CHRND: variants seen among roughly 807,000 people sequenced by gnomAD.
CHRND encodes acetylcholine receptor subunit delta.
CHRND carries 40 observed loss-of-function variants against 57.8 expected under a neutral mutation model. The ratio of observed to expected loss-of-function variants is 0.69; its 90% confidence interval spans 0.54 to 0.90. The LOEUF is 0.90. Ranked by LOEUF, CHRND falls within the 40% of genes least tolerant of loss-of-function variation. The probability of loss-of-function intolerance (pLI) is 0.00; values close to 1 mark genes in which losing one functional copy is unlikely to be tolerated. For synonymous variants in CHRND, 237 were observed against 270.6 expected (o/e 0.88, Z 1.22); for missense variants, 634 against 673.9 (o/e 0.94, Z 0.66).
rs373747090 is a variant in CHRND, at chr2:232,534,290, A to T, written c.1319A>T (p.Asp440Val). 1.3e-4 allele frequency: 217 copies of T among 1,614,106 alleles called. No homozygotes were observed. The highest frequency in any genetic ancestry group is 1.7e-4 in the Non-Finnish European group (198 of 1,180,048). ...TTCAATGAGCTGAAGCCAGCTGTGG[A>T]TGGGGCAAACTTCATTGTTAACCAC... Reference protein sequence around the residue: ...ELFNELKPAVDGANFIVNHMR... With the variant: ...ELFNELKPAVVGANFIVNHMR... The change falls in exon 11 of 12, where the codon GAT becomes GTT. Residue 440 changes from aspartate to valine, a missense_variant. By Grantham distance (152) the Asp-to-Val change is radical. Coordinates refer to ENST00000258385, the MANE Select transcript of CHRND (RefSeq NM_000751.3).
chr2:232,530,969 G>A (rs958520681), intron 7 of CHRND, among the ~76,000 whole-genome samples: 10 of 152,154 alleles, frequency 6.6e-5, no homozygotes, highest in Admixed American at 1.3e-4. Context: ...CTTTCTAAGC[G>A]GGGAGTAACG....
intron 7 of CHRND, among the ~76,000 whole-genome samples, chr2:232,530,371 C>A (rs1691644596): frequency 6.6e-6 from 1 of 152,212 alleles, no homozygotes; most frequent in African/African-American, 2.4e-5. Context: ...TGCTACTTCC[C>A]ACGGACTCTC....
Position 232,534,038 on chromosome 2 carries a change from C to T in CHRND, c.1155C>T (p.Ser385=), listed in dbSNP as rs2106214377. ...GGAGCAGCTCCCTGGGATACATCTC[C>T]AAGGCCGAGGAGTACTTCCTGCTCA... ...VRRSSSLGYI[S]KAEEYFLLKS... The change falls in exon 10 of 12, where the codon TCC becomes TCT. Residue 385 remains serine (S), a synonymous_variant. Transcript: ENST00000258385. 6.2e-7 allele frequency: 1 copy of T among 1,614,114 alleles called. No individual in the cohort carries two copies. The highest frequency in any genetic ancestry group is 8.5e-7 in the Non-Finnish European group (1 of 1,180,044).
chr2:232,528,755 T>C, intron 5 of CHRND, 99 bp downstream of exon 5: 2 of 1,593,370 alleles, frequency 1.3e-6, no homozygotes, highest in South Asian at 2.2e-5. Flanking sequence ...CTGCCCTGTC[T>C]GGATTAGTGC....
Position 232,534,021 on chromosome 2 carries a change from T to G in CHRND, c.1138T>G (p.Ser380Ala). 6.2e-7 allele frequency: 1 copy of G among 1,614,040 alleles called. No homozygotes were observed. The highest frequency in any genetic ancestry group is 8.5e-7 in the Non-Finnish European group (1 of 1,180,022). Reference sequence around the variant, plus strand: ...TGGGGCCCTGGTGCGGAGGAGCAGCTCCCTGGGATACATCTCCAAGGCCGA... The same window carrying G: ...TGGGGCCCTGGTGCGGAGGAGCAGCGCCCTGGGATACATCTCCAAGGCCGA... The part of the protein sequence containing the change: ...SPGALVRRSS[S>A]LGYISKAEEY... Residue 380 changes from serine to alanine, a missense_variant, in exon 10 of 12, where the codon TCC becomes GCC. Transcript: ENST00000258385.
intron 7 of CHRND, among the ~76,000 whole-genome samples, chr2:232,531,092 TCAC>T (rs1691673596): frequency 6.6e-6 from 1 of 152,128 alleles, no homozygotes; most frequent in African/African-American, 2.4e-5. Context: ...ACACACTCTG[TCAC>T]CACATTTAAC....
intron 3 of CHRND, among the ~76,000 whole-genome samples, chr2:232,527,981 T>A (rs182428603): frequency 1.5e-4 from 23 of 152,338 alleles, no homozygotes; most frequent in Admixed American, 5.9e-4. Context: ...CCACTTTATC[T>A]TGATGTTTAT....
intron 3 of CHRND, 69 bp downstream of exon 3, chr2:232,527,514 G>A (rs549830087): frequency 8.5e-7 from 1 of 1,181,278 alleles, no homozygotes; most frequent in Non-Finnish European, 1.3e-6. Flanking sequence ...GAAGGCCGAG[G>A]GGGGTGGATC....
chr2:232,527,470 C>A (rs1415331300), intron 3 of CHRND, 25 bp downstream of exon 3: 7 of 1,594,200 alleles, frequency 4.4e-6, no homozygotes, highest in Non-Finnish European at 5.2e-6. Context: ...CCCAGCCGGG[C>A]GCAGTGGCTC....
In CHRND at chr2:232,531,448, T is replaced by A; in HGVS notation, c.917T>A (p.Ile306Asn). 1 of 1,613,324 alleles carries A rather than the reference T, an allele frequency of 6.2e-7. No homozygotes were observed. Among genetic ancestry groups the A allele is most frequent in the Non-Finnish European group, 8.5e-7 (1 of 1,179,696 alleles). ...SKRLPATSMA[I>N]PLIGKFLLFG... ...CGTCTGCCTGCCACATCCATGGCCA[T>A]CCCCCTTATCGGCAAGTGAGTGACG... The change falls in exon 8 of 12, where the codon ATC (isoleucine) becomes AAC (asparagine). Residue 306 changes from isoleucine (I) to asparagine (N), a missense_variant. Ile to Asn is a moderately radical substitution (Grantham distance 149). Coordinates refer to ENST00000258385, the MANE Select transcript of CHRND (RefSeq NM_000751.3).
At chr2:232,533,402 T>C (rs1198444225) in intron 9 of CHRND, among the ~76,000 whole-genome samples, 1 of 152,192 alleles carries the variant, frequency 6.6e-6, no homozygotes, top group Non-Finnish European at 1.5e-5. Context: ...GGTCTTTAAT[T>C]AATCATTTTT....
chr2:232,531,326 G>A (rs778673027), intron 7 of CHRND, 26 bp from the exon 8 acceptor site: 5 of 1,542,012 alleles, frequency 3.2e-6, no homozygotes, highest in Non-Finnish European at 4.4e-6. Flanking sequence ...GTGCCCCAAG[G>A]TCACAGCTAA....
Position 232,527,287 on chromosome 2 carries a change from T to C in CHRND, c.199-114T>C, listed in dbSNP as rs549630864. The C allele has an allele frequency of 6.8e-5, 66 of 964,990 alleles. 1 individual carries two copies. The Admixed American group carries it at 9.1e-4, about 13-fold the overall frequency. 59.8% of individuals were successfully genotyped at this position (964,990 alleles called of 1,614,324 possible). A position where few individuals can be genotyped will look rare whatever the true frequency, so the allele number is the denominator to read the frequency against. ...TGCCACTGCACTCCATCCTGGGCAATTGAGCAAGACCCTGGAAAAAAAAAG... is the reference window on the plus strand; with the variant it reads ...TGCCACTGCACTCCATCCTGGGCAACTGAGCAAGACCCTGGAAAAAAAAAG... On this transcript the variant is annotated intron_variant, in intron 2 of 11. Transcript: ENST00000258385.
rs1390216304 is a variant in CHRND at position 232,536,113 on chromosome 2, C to G, written c.*801C>G. 2.2e-6 allele frequency: 1 copy of G among 453,994 alleles called. No individual in the cohort carries two copies. The highest frequency in any genetic ancestry group is 4.4e-6 in the Non-Finnish European group (1 of 226,810). 28.1% of individuals were successfully genotyped at this position (453,994 alleles called of 1,614,324 possible). ...ATTTGCTAAATCTAGCAACCCTATC[C>G]CAAAGGCAGCCTCCACTCAATCTTA... On this transcript the variant is annotated 3_prime_UTR_variant, in exon 12 of 12. Transcript: ENST00000258385.
Position 232,526,605 on chromosome 2 carries a change from G to A in CHRND, c.129G>A (p.Arg43=), listed in dbSNP as rs765106484. 6.8e-6 allele frequency: 11 copies of A among 1,613,708 alleles called. No homozygotes were observed. Among genetic ancestry groups the A allele is most frequent in the Non-Finnish European group, 9.3e-6 (11 of 1,180,028 alleles). The part of the protein sequence containing the change: ...FQEKGYNKEL[R]PVAHKEESVD... ...AGAAGGGCTACAACAAGGAGCTCCGGCCCGTGGCACACAAAGAGGAGAGTG... is the reference window on the plus strand; with the variant it reads ...AGAAGGGCTACAACAAGGAGCTCCGACCCGTGGCACACAAAGAGGAGAGTG... Residue 43 remains arginine, a synonymous_variant, in exon 2 of 12, where the codon CGG becomes CGA. Coordinates refer to ENST00000258385, the MANE Select transcript of CHRND (RefSeq NM_000751.3).
chr2:232,536,140 C>T lies in CHRND; in HGVS notation c.*828C>T, dbSNP rs1238386928. ...AAAGGCAGCCTCCACTCAATCTTAT[C>T]CTGAGGGCCAAAGGCCAAGGCTGCA... On this transcript the variant is annotated 3_prime_UTR_variant, in exon 12 of 12. Coordinates refer to ENST00000258385, the MANE Select transcript of CHRND (RefSeq NM_000751.3). The T allele has an allele frequency of 2.2e-6, 1 of 454,036 alleles. No individual in the cohort carries two copies. The highest frequency in any genetic ancestry group is 2.0e-5 in the African/African-American group (1 of 50,018). 28.1% of individuals were successfully genotyped at this position (454,036 alleles called of 1,614,324 possible). A position where few individuals can be genotyped will look rare whatever the true frequency, so the allele number is the denominator to read the frequency against.
intron 10 of CHRND, 30 bp from the exon 11 acceptor site, chr2:232,534,194 C>T (rs1238667124): frequency 1.2e-6 from 2 of 1,613,926 alleles, no homozygotes; most frequent in Non-Finnish European, 1.7e-6. Context: ...GGAGGCAGGC[C>T]TCACACCCAC....
rs370262472 is a variant in CHRND at position 232,529,796 on chromosome 2, C to T, written c.620-143C>T. ...ACTTCCATCCCGACCCCCCAGGGAA[C>T]GACACCCACCAACGGGACCCCGTAG... On this transcript the variant is annotated intron_variant, in intron 6 of 11. Coordinates refer to ENST00000258385, the MANE Select transcript of CHRND (RefSeq NM_000751.3). 105 of 748,636 alleles carry T rather than the reference C, an allele frequency of 1.4e-4. 5 individuals carry two copies. Among genetic ancestry groups the T allele is most frequent in the East Asian group, 6.6e-4 (25 of 37,634 alleles). 46.4% of individuals were successfully genotyped at this position (748,636 alleles called of 1,614,324 possible).
rs561095601 is a variant in CHRND, at chr2:232,535,079, C to T, written c.1372-51C>T. 55 of 1,605,196 alleles carry T rather than the reference C, an allele frequency of 3.4e-5. No homozygotes were observed. The South Asian group carries it at 5.4e-4, about 16-fold the overall frequency. ...GCTGGGCCCCAGCTTGGGGGTGGGG[C>T]TTTGTGGCCTGAGGCCCTTCTCACC... On this transcript the variant is annotated intron_variant, in intron 11 of 11. Transcript: ENST00000258385.
Sources: gnomAD v4.1 joint callset for allele counts (sites outside exome capture counted in the v4.1 genomes callset) on GRCh38, gnomAD v4.1.1 for gene constraint, MANE v1.5 for transcripts, NCBI Gene and HGNC (gene_info 2026-07-23, HGNC 2026-07-21) for gene names.